STK26: variants seen among roughly 807,000 people sequenced by gnomAD.
The protein encoded by STK26 is serine/threonine-protein kinase 26.
In STK26, 14 loss-of-function variants were observed where a neutral mutation model predicts 34.7. That is an observed-to-expected ratio of 0.40 (90% CI 0.27 to 0.63). STK26 has a LOEUF of 0.63. Among genes scored for constraint, STK26 ranks in the 30% least tolerant of loss-of-function variants. The pLI, the probability that STK26 is intolerant of heterozygous loss-of-function variation, is 0.38. For missense variants in STK26, 226 were observed against 309.1 expected (o/e 0.73, Z 2.02); for synonymous variants, 100 against 109.8 (o/e 0.91, Z 0.56).
intron 6 of STK26, 67 bp downstream of exon 6, chrX:132,068,636 T>C (rs1266416398): frequency 3.0e-6 from 3 of 998,157 alleles, no homozygotes; most frequent in Admixed American, 5.9e-5. Flanking sequence ...ACTATCCTAG[T>C]TAATACACTG....
intron 2 of STK26, among the ~76,000 whole-genome samples, chrX:132,042,870 A>T (rs758411632): frequency 1.8e-5 from 2 of 111,759 alleles, no homozygotes; most frequent in East Asian, 5.6e-4. Flanking sequence ...AATTTTCCCT[A>T]GTCCTACGAT....
At chrX:132,048,275 T>C (rs982239708) in intron 2 of STK26, among the ~76,000 whole-genome samples, 7 of 112,150 alleles carry the variant, frequency 6.2e-5, no homozygotes, top group African/African-American at 2.3e-4. Flanking sequence ...TATATCAGTT[T>C]AAATATAGAA....
At chrX:132,030,065 C>T (rs1925772854) in intron 2 of STK26, among the ~76,000 whole-genome samples, 1 of 111,722 alleles carries the variant, frequency 9.0e-6, no homozygotes, top group African/African-American at 3.3e-5. Flanking sequence ...TGTACAACAC[C>T]TGAACTCTGT....
intron 2 of STK26, among the ~76,000 whole-genome samples, chrX:132,053,386 C>T (rs1488567924): frequency 8.9e-6 from 1 of 111,850 alleles, no homozygotes; most frequent in Admixed American, 9.5e-5. Context: ...TAAAAGCAGT[C>T]ATGAGTTTTG....
chrX:132,028,608 A>G (rs1017961424), intron 2 of STK26, among the ~76,000 whole-genome samples: 20 of 111,977 alleles, frequency 1.8e-4, no homozygotes, highest in Non-Finnish European at 2.6e-4. Context: ...AATGCCAGAA[A>G]GAATATGTGG....
At chrX:132,061,358 T>A (rs1927047186) in intron 3 of STK26, among the ~76,000 whole-genome samples, 1 of 112,107 alleles carries the variant, frequency 8.9e-6, no homozygotes, top group African/African-American at 3.2e-5. Flanking sequence ...ATTCTCAGGT[T>A]GCGAGTGCCT....
At chrX:132,025,537 T>G (rs1935080934) in intron 2 of STK26, among the ~76,000 whole-genome samples, 1 of 111,596 alleles carries the variant, frequency 9.0e-6, no homozygotes, top group African/African-American at 3.3e-5. Flanking sequence ...AATCATATAC[T>G]TTAAATTACA....
chrX:132,046,920 G>T (rs1656923057), intron 2 of STK26, among the ~76,000 whole-genome samples: 1 of 112,016 alleles, frequency 8.9e-6, no homozygotes, highest in African/African-American at 3.2e-5. Flanking sequence ...CTTTGAGAAA[G>T]ATGTAAAAAT....
At chrX:132,057,306 C>T (rs982589266) in intron 3 of STK26, among the ~76,000 whole-genome samples, 2 of 111,594 alleles carry the variant, frequency 1.8e-5, no homozygotes, top group East Asian at 5.7e-4. Context: ...GCAAGAGATG[C>T]CAGTGTCCTC....
intron 2 of STK26, among the ~76,000 whole-genome samples, chrX:132,038,785 A>G (rs1926155207): frequency 9.0e-6 from 1 of 110,705 alleles, no homozygotes. Context: ...AATGATTAAA[A>G]CAGTTCTGTG....
intron 3 of STK26, among the ~76,000 whole-genome samples, chrX:132,055,806 C>G (rs918623887): frequency 3.6e-5 from 4 of 111,805 alleles, no homozygotes; most frequent in Non-Finnish European, 5.6e-5. Flanking sequence ...AAGCTGTTGG[C>G]CTGCGTAAAA....
intron 4 of STK26, among the ~76,000 whole-genome samples, chrX:132,064,984 T>G (rs1927172091): frequency 8.9e-6 from 1 of 111,732 alleles, no homozygotes; most frequent in Non-Finnish European, 1.9e-5. Flanking sequence ...AGAACCATAT[T>G]TAAACCATTT....
At chrX:132,034,405 C>G (rs1470393251) in intron 2 of STK26, among the ~76,000 whole-genome samples, 1 of 93,817 alleles carries the variant, frequency 1.1e-5, no homozygotes, top group African/African-American at 3.9e-5. Flanking sequence ...CTCCCGGGTT[C>G]ACGCCATTCT....
chrX:132,054,852 A>C lies in STK26; in HGVS notation c.264A>C (p.Ser88=), dbSNP rs755749582. 8.4e-7 allele frequency: 1 copy of C among 1,188,138 alleles called. No homozygotes were observed. The highest frequency in any genetic ancestry group is 3.0e-5 in the East Asian group (1 of 33,698). Residue 88 remains serine, a synonymous_variant, in exon 3 of 12, where the codon TCA becomes TCC. Transcript: ENST00000394334. Reference sequence around the variant, plus strand: ...CATATGTAACAAAATACTATGGGTCATATTTAAAGGTAATGTGTGTGCTGT... The same window carrying C: ...CATATGTAACAAAATACTATGGGTCCTATTTAAAGGTAATGTGTGTGCTGT... The part of the protein sequence containing the change: ...DSSYVTKYYG[S]YLKGSKLWII...
intron 2 of STK26, among the ~76,000 whole-genome samples, chrX:132,053,921 C>G (rs1926770578): frequency 8.9e-6 from 1 of 112,098 alleles, no homozygotes; most frequent in Non-Finnish European, 1.9e-5. Context: ...CCTTGAAAGC[C>G]TATGCTTATT....
intron 2 of STK26, among the ~76,000 whole-genome samples, chrX:132,043,680 G>A (rs1804692131): frequency 9.0e-6 from 1 of 111,524 alleles, no homozygotes; most frequent in South Asian, 3.7e-4. Flanking sequence ...TATGCAAACT[G>A]TGGCTCTTCA....
At chrX:132,045,495 A>G (rs1926467738) in intron 2 of STK26, among the ~76,000 whole-genome samples, 1 of 112,175 alleles carries the variant, frequency 8.9e-6, no homozygotes, top group African/African-American at 3.2e-5. Context: ...CAGATGGTGA[A>G]ATCGACATTA....
chrX:132,024,645 CTT>C (rs1327908569), intron 2 of STK26, among the ~76,000 whole-genome samples: 1 of 110,466 alleles, frequency 9.1e-6, no homozygotes, highest in East Asian at 2.8e-4. Context: ...TGAAAACAAA[CTT>C]TTTTGAAGTT....
chrX:132,072,806 T>C lies in STK26; in HGVS notation c.1027-7T>C. 8.3e-7 allele frequency: 1 copy of C among 1,205,797 alleles called. No individual in the cohort carries two copies. ...TCATGTGTATAATCTATATTATTTG[T>C]TCAAAGGAGCAAGATCTTGTGCAAA... On this transcript the variant is annotated splice_region_variant and splice_polypyrimidine_tract_variant and intron_variant, in intron 9 of 11. Coordinates refer to ENST00000394334, the MANE Select transcript of STK26 (RefSeq NM_016542.4).
Sources: gnomAD v4.1 joint callset for allele counts (sites outside exome capture counted in the v4.1 genomes callset) on GRCh38, gnomAD v4.1.1 for gene constraint, MANE v1.5 for transcripts, NCBI Gene and HGNC (gene_info 2026-07-23, HGNC 2026-07-21) for gene names.